The following ABL1 variants were observed in gnomAD, a reference collection of about 807,000 sequenced individuals.
The protein encoded by ABL1 is tyrosine-protein kinase ABL1.
In ABL1, 11 loss-of-function variants were observed where a neutral mutation model predicts 94.7. The ratio of observed to expected loss-of-function variants is 0.12; its 90% CI spans 0.07 to 0.19. ABL1 has a LOEUF of 0.19. ABL1 is among the 10% of genes least tolerant of loss of function. The pLI is 1.00. For missense variants in ABL1, 1,082 were observed against 1,489.4 expected (o/e 0.73, Z 4.50); for synonymous variants, 656 against 622.4 (o/e 1.05, Z -0.80).
Position 130,887,451 on chromosome 9 carries a change from C to G in ABL1, c.*1768C>G, listed in dbSNP as rs553009714. On this transcript the variant is annotated 3_prime_UTR_variant, in exon 11 of 11. Transcript: ENST00000318560. ...TTCCTTTTGTTAACGTGATGTGCCA[C>G]TATATTTTACACGTATCTCTTGGTA... 8.6e-5 allele frequency: 20 copies of G among 233,334 alleles called. No individual in the cohort carries two copies. Among genetic ancestry groups the G allele is most frequent in the Non-Finnish European group, 1.4e-4 (16 of 118,002 alleles). The allele number at this position is 233,334 out of a possible 1,614,324, so 14.5% of individuals were successfully genotyped here.
chr9:130,884,874 C>T lies in ABL1; in HGVS notation c.2584C>T (p.Pro862Ser), dbSNP rs772239435. The T allele has an allele frequency of 3.1e-6, 5 of 1,607,610 alleles. No individual in the cohort carries two copies. In the South Asian group the frequency reaches 4.4e-5, roughly 14 times the overall value. The change falls in exon 11 of 11, where the codon CCA (proline) becomes TCA (serine). Residue 862 changes from proline to serine, a missense_variant. Pro to Ser is a moderately conservative substitution (Grantham distance 74). Around this residue, in one of 7 missense-constraint regions of ABL1, gnomAD observed 780 missense variants for 835.8 expected, o/e 0.93. Transcript: ENST00000318560. This position sits in a 1 kb window ranked among gnomAD's most constrained non-coding sequence, Gnocchi z 5.6. ...CACCAGCAAAGCAGGCTCAGGTGCA[C>T]CAGGGGGCACCAGCAAGGGCCCCGC... is the stretch of plus-strand genomic sequence containing the variant. ...TPTSKAGSGA[P>S]GGTSKGPAEE...
At chr9:130,741,357 A>C (rs571107145) in intron 1 of ABL1, among the ~76,000 whole-genome samples, 3 of 152,076 alleles carry the variant, frequency 2.0e-5, no homozygotes, top group African/African-American at 7.2e-5. Context: ...CAGTTACAGC[A>C]CTGGTATACC....
At chr9:130,812,172 T>A (rs1178560081) in intron 1 of ABL1, among the ~76,000 whole-genome samples, 3 of 145,520 alleles carry the variant, frequency 2.1e-5, no homozygotes, top group African/African-American at 7.7e-5. Context: ...GAGACCAGCT[T>A]TGGAAGCCAA....
intron 6 of ABL1, among the ~76,000 whole-genome samples, 188 bp downstream of exon 6, chr9:130,873,225 A>G (rs910194898): frequency 7.9e-5 from 12 of 152,258 alleles, no homozygotes; most frequent in African/African-American, 1.9e-4. Flanking sequence ...GCATGCATCC[A>G]GGGCTAAATT....
In ABL1 at chr9:130,863,626, A is replaced by C. The variant is rs1397927449; in HGVS notation, c.822+591A>C. On this transcript the variant is annotated intron_variant, in intron 4 of 10. Coordinates refer to ENST00000318560, the MANE Select transcript of ABL1 (RefSeq NM_005157.6). The surrounding 1 kb of genome is among the most constrained non-coding windows in gnomAD (Gnocchi z 4.3). ...AGTCTGGTCTTTCTTGTTAACTGGG[A>C]CTTTACCCTCTCCACTAATGAATAG... Among the ~76,000 whole-genome samples, 1 of 152,134 alleles carries C rather than the reference A, an allele frequency of 6.6e-6. No homozygotes were observed.
At chr9:130,744,672 G>A (rs1308468279) in intron 1 of ABL1, among the ~76,000 whole-genome samples, 1 of 150,234 alleles carries the variant, frequency 6.7e-6, no homozygotes, top group Admixed American at 6.6e-5. Context: ...CTAATGTGAT[G>A]AAATGCCATC....
chr9:130,732,626 T>A (rs1018419368), intron 1 of ABL1, among the ~76,000 whole-genome samples: 2 of 152,186 alleles, frequency 1.3e-5, no homozygotes, highest in South Asian at 2.1e-4. Context: ...ATTTGTTCTA[T>A]CCACTTGGGA....
chr9:130,822,814 T>C (rs1830380202), intron 1 of ABL1, among the ~76,000 whole-genome samples: 1 of 152,006 alleles, frequency 6.6e-6, no homozygotes, highest in African/African-American at 2.4e-5. Context: ...CTTTTTTTTT[T>C]CGAGATGGAG....
chr9:130,725,466 T>C (rs1831569328), intron 1 of ABL1, among the ~76,000 whole-genome samples: 2 of 152,194 alleles, frequency 1.3e-5, no homozygotes, highest in Non-Finnish European at 2.9e-5. Context: ...CTGCAACCTC[T>C]GCCTCCCAGG....
chr9:130,750,395 CCCTT>C (rs552266106), intron 1 of ABL1, among the ~76,000 whole-genome samples: 1,667 of 111,096 alleles, frequency 0.015, 81 homozygotes, highest in African/African-American at 0.05. Flanking sequence ...TTCCCTCCTT[CCCTT>C]CCTCCCTCCC....
At chr9:130,790,715 C>T (rs1194482077) in intron 1 of ABL1, among the ~76,000 whole-genome samples, 3 of 151,800 alleles carry the variant, frequency 2.0e-5, no homozygotes, top group African/African-American at 7.3e-5. Flanking sequence ...CTCAAACACT[C>T]TTTCTGCCTC....
At chr9:130,851,160 G>A (rs1487491854) in intron 1 of ABL1, among the ~76,000 whole-genome samples, 3 of 152,064 alleles carry the variant, frequency 2.0e-5, no homozygotes, top group East Asian at 3.9e-4. Context: ...TCCTGACCTC[G>A]GGGATCACAT....
intron 1 of ABL1, among the ~76,000 whole-genome samples, chr9:130,740,291 AC>A (rs1426488115): frequency 1.3e-5 from 2 of 152,210 alleles, no homozygotes; most frequent in African/African-American, 4.8e-5. Context: ...GCACTGATGG[AC>A]CCTCAAGTGG....
rs1363893429 is a variant in ABL1, at chr9:130,835,689, A to G, written c.79+164A>G. 1.3e-5 allele frequency among the ~76,000 whole-genome samples: 2 copies of G among 149,274 alleles called. No individual in the cohort carries two copies. Among genetic ancestry groups the G allele is most frequent in the African/African-American group, 2.5e-5 (1 of 40,376 alleles). ...CTCTTCTCTTCTCTTCAGTTCTCTT[A>G]TATTCTGTCTCTCTTTCTTTCTCTC... On this transcript the variant is annotated intron_variant, in intron 1 of 10. Coordinates refer to ENST00000318560, the MANE Select transcript of ABL1 (RefSeq NM_005157.6). The surrounding 1 kb of genome is among the most constrained non-coding windows in gnomAD (Gnocchi z 4.6).
At chr9:130,761,385 G>A (rs998024035) in intron 1 of ABL1, among the ~76,000 whole-genome samples, 1 of 152,152 alleles carries the variant, frequency 6.6e-6, no homozygotes, top group Non-Finnish European at 1.5e-5. Flanking sequence ...GACTTAGTCT[G>A]TAAACCTTCC....
At chr9:130,837,336 A>T (rs1468720379) in intron 1 of ABL1, among the ~76,000 whole-genome samples, 1 of 152,172 alleles carries the variant, frequency 6.6e-6, no homozygotes, top group Non-Finnish European at 1.5e-5. Context: ...CACTTTGCAG[A>T]TGGGTGCCTA....
At chr9:130,822,251 C>T (rs929793247) in intron 1 of ABL1, among the ~76,000 whole-genome samples, 1 of 152,116 alleles carries the variant, frequency 6.6e-6, no homozygotes, top group Non-Finnish European at 1.5e-5. Context: ...GGATTACAGG[C>T]GTGAGCCACC....
chr9:130,757,793 G>A (rs763050388), intron 1 of ABL1, among the ~76,000 whole-genome samples: 4 of 151,814 alleles, frequency 2.6e-5, no homozygotes, highest in African/African-American at 4.8e-5. Context: ...TACCCGCCTC[G>A]GCCTCCCAAA....
At position 130,887,339 on chromosome 9, in the gene ABL1, G is replaced by GCACT. The variant is rs1371705670; in HGVS notation, c.*1657_*1660dup. The GCACT allele has an allele frequency of 4.3e-6, 1 of 233,232 alleles. No homozygotes were observed. Among genetic ancestry groups the GCACT allele is most frequent in the African/African-American group, 2.2e-5 (1 of 45,360 alleles). The allele number at this position is 233,232 out of a possible 1,614,324, so 14.4% of individuals were successfully genotyped here. ...ACGGCTGTGACGCAGCCGGAGGGAG[G>GCACT]CACTAGTCACCGACAGCGGCCTTGA... On this transcript the variant is annotated 3_prime_UTR_variant, in exon 11 of 11. Coordinates refer to ENST00000318560, the MANE Select transcript of ABL1 (RefSeq NM_005157.6).
Sources: allele counts gnomAD v4.1 joint callset (sites outside exome capture counted in the v4.1 genomes callset), GRCh38; gene constraint gnomAD v4.1.1; regional missense constraint gnomAD v4.1.1; non-coding constraint Gnocchi (gnomAD v3.1); transcripts MANE v1.5; gene names NCBI Gene and HGNC (gene_info 2026-07-23, HGNC 2026-07-21).